Variants in ADCY2 observed in about 807,000 individuals in gnomAD.
ADCY2 encodes adenylate cyclase 2.
In ADCY2, 31 loss-of-function variants were observed where a neutral mutation model predicts 125.2. The observed-to-expected ratio is 0.25, with a 90% CI of 0.19 to 0.33. ADCY2 has a LOEUF of 0.33. ADCY2 is among the 10% of genes least tolerant of loss of function. The probability of loss-of-function intolerance (pLI) is 1.00; values close to 1 mark genes in which losing one functional copy is unlikely to be tolerated. For missense variants in ADCY2, 904 were observed against 1,418.2 expected (o/e 0.64, Z 5.82); for synonymous variants, 512 against 548.4 (o/e 0.93, Z 0.93).
intron 2 of ADCY2, among the ~76,000 whole-genome samples, chr5:7,503,349 A>T (rs759546676): frequency 6.6e-6 from 1 of 152,230 alleles, no homozygotes; most frequent in African/African-American, 2.4e-5. Flanking sequence ...ATCACCACAG[A>T]TGCAGAGGTG....
intron 2 of ADCY2, among the ~76,000 whole-genome samples, chr5:7,483,489 A>G (rs768091453): frequency 4.6e-5 from 7 of 152,224 alleles, no homozygotes; most frequent in African/African-American, 7.2e-5. Context: ...TACTGAAAAC[A>G]TTTCATTTCA....
chr5:7,552,166 A>G (rs1413636510), intron 3 of ADCY2, among the ~76,000 whole-genome samples: 1 of 152,230 alleles, frequency 6.6e-6, no homozygotes, highest in Non-Finnish European at 1.5e-5. Flanking sequence ...GCTTCCTATC[A>G]GGTATAGAAA....
At chr5:7,661,653 A>G (rs778616525) in intron 4 of ADCY2, among the ~76,000 whole-genome samples, 1 of 152,220 alleles carries the variant, frequency 6.6e-6, no homozygotes, top group Non-Finnish European at 1.5e-5. Flanking sequence ...TCACTTCTCA[A>G]TCCTGTTCAC....
intron 19 of ADCY2, among the ~76,000 whole-genome samples, chr5:7,785,518 G>A (rs1042331650): frequency 8.2e-6 from 1 of 122,584 alleles, no homozygotes; most frequent in Non-Finnish European, 1.6e-5. Context: ...TGCATTCTTT[G>A]GCTTGCAGTT....
chr5:7,612,028 A>G (rs1364694404), intron 3 of ADCY2, among the ~76,000 whole-genome samples: 1 of 152,234 alleles, frequency 6.6e-6, no homozygotes, highest in Non-Finnish European at 1.5e-5. Context: ...AGAAAATTCA[A>G]CTGAAAAGAG....
intron 16 of ADCY2, 140 bp downstream of exon 16, chr5:7,757,726 G>A: frequency 8.0e-7 from 1 of 1,246,986 alleles, no homozygotes; most frequent in Non-Finnish European, 1.1e-6. Context: ...TCAGCCCCGG[G>A]GTGAGTCAGG....
chr5:7,600,316 G>A (rs2126634655), intron 3 of ADCY2, among the ~76,000 whole-genome samples: 1 of 152,324 alleles, frequency 6.6e-6, no homozygotes, highest in Non-Finnish European at 1.5e-5. Flanking sequence ...AGGGTGTTGG[G>A]TCAAGGTGGA....
chr5:7,816,061 A>G (rs948691378), intron 22 of ADCY2, among the ~76,000 whole-genome samples: 2 of 152,096 alleles, frequency 1.3e-5, no homozygotes, highest in African/African-American at 4.8e-5. Flanking sequence ...GTCATATTGG[A>G]TTAGGGCCCA....
intron 4 of ADCY2, among the ~76,000 whole-genome samples, chr5:7,631,493 A>G (rs564907289): frequency 3.9e-5 from 6 of 152,210 alleles, no homozygotes; most frequent in East Asian, 3.9e-4. Context: ...TTGGTTTTGC[A>G]TGGGTTTTCT....
intron 20 of ADCY2, chr5:7,799,771 G>C: frequency 6.6e-6 from 1 of 152,366 alleles, no homozygotes; most frequent in Middle Eastern, 3.1e-3. Context: ...CAGCCTAGGG[G>C]ATGAGGGTCG....
At chr5:7,506,214 G>C (rs1743808198) in intron 2 of ADCY2, among the ~76,000 whole-genome samples, 1 of 152,154 alleles carries the variant, frequency 6.6e-6, no homozygotes, top group Non-Finnish European at 1.5e-5. Context: ...ACTCAACAAA[G>C]TGTGTAAACA....
chr5:7,566,421 A>G (rs1276205470), intron 3 of ADCY2, among the ~76,000 whole-genome samples: 1 of 152,150 alleles, frequency 6.6e-6, no homozygotes, highest in East Asian at 1.9e-4. Context: ...GCTTGAGCCC[A>G]GGAGTTTGAA....
intron 14 of ADCY2, among the ~76,000 whole-genome samples, chr5:7,732,050 T>C (rs1742120711): frequency 6.6e-6 from 1 of 152,226 alleles, no homozygotes; most frequent in South Asian, 2.1e-4. Flanking sequence ...GGTAGTCTTG[T>C]ATGTTCTGAG....
At chr5:7,754,408 A>G (rs1010248502) in intron 15 of ADCY2, among the ~76,000 whole-genome samples, 3 of 152,142 alleles carry the variant, frequency 2.0e-5, no homozygotes, top group African/African-American at 7.2e-5. Context: ...GAAGTAATAA[A>G]CTTTTTAAAT....
intron 2 of ADCY2, among the ~76,000 whole-genome samples, chr5:7,456,851 A>T (rs529984150): frequency 3.0e-4 from 46 of 152,330 alleles, no homozygotes; most frequent in African/African-American, 1.1e-3. Flanking sequence ...GTTTTAAAAG[A>T]GATGTGTTTA....
intron 2 of ADCY2, among the ~76,000 whole-genome samples, chr5:7,496,578 T>C (rs754650567): frequency 3.9e-5 from 6 of 152,200 alleles, no homozygotes; most frequent in Non-Finnish European, 7.4e-5. Context: ...TAATACCATA[T>C]ACTTCACAAT....
chr5:7,716,658 A>C (rs745926957), intron 11 of ADCY2, among the ~76,000 whole-genome samples: 9 of 152,324 alleles, frequency 5.9e-5, no homozygotes, highest in African/African-American at 1.9e-4. Flanking sequence ...TGATTAGCAG[A>C]ATTAAACAGA....
At chr5:7,477,955 C>T (rs1742582981) in intron 2 of ADCY2, among the ~76,000 whole-genome samples, 1 of 152,160 alleles carries the variant, frequency 6.6e-6, no homozygotes, top group Non-Finnish European at 1.5e-5. Flanking sequence ...GGGGCATTTA[C>T]TTCACTGTAT....
intron 24 of ADCY2, among the ~76,000 whole-genome samples, chr5:7,823,938 C>G (rs999405749): frequency 6.6e-6 from 1 of 152,162 alleles, no homozygotes; most frequent in African/African-American, 2.4e-5. Flanking sequence ...CCTCTGATCC[C>G]TGGAGGGAAA....
Sources: allele counts gnomAD v4.1 joint callset (sites outside exome capture counted in the v4.1 genomes callset), GRCh38; gene constraint gnomAD v4.1.1; transcripts MANE v1.5; gene names NCBI Gene and HGNC (gene_info 2026-07-23, HGNC 2026-07-21).